The following ADAM10 variants were observed in gnomAD, a reference collection of about 807,000 sequenced individuals.
The protein encoded by ADAM10 is ADAM metallopeptidase domain 10.
Under a neutral mutation model 90.1 loss-of-function variants are expected in ADAM10, and 17 were observed. The observed-to-expected ratio is 0.19, with a 90% CI of 0.13 to 0.28. ADAM10 has a LOEUF of 0.28. ADAM10 is among the 10% of genes least tolerant of loss of function. ADAM10 has a pLI of 1.00. For missense variants in ADAM10, 610 were observed against 914.3 expected, an observed-to-expected ratio of 0.67 and a Z score of 4.29; for synonymous variants, 310 against 298.6, an observed-to-expected ratio of 1.04 and a Z score of -0.40.
In ADAM10 at chr15:58,620,660, A is replaced by ATTTTTTTTTTTTTTTTTTTTTTTT. The variant is rs570842513; in HGVS notation, c.1511+810_1511+811insAAAAAAAAAAAAAAAAAAAAAAAA. Among the ~76,000 whole-genome samples, 21 of 59,414 alleles carry ATTTTTTTTTTTTTTTTTTTTTTTT rather than the reference A, an allele frequency of 3.5e-4. 1 individual carries two copies. Among genetic ancestry groups the ATTTTTTTTTTTTTTTTTTTTTTTT allele is most frequent in the Non-Finnish European group, 4.2e-4 (18 of 42,692 alleles). The allele number at this position is 59,414 out of a possible 152,430, so 39.0% of individuals were successfully genotyped here. A position where few individuals can be genotyped will look rare whatever the true frequency, so the allele number is the denominator to read the frequency against. On this transcript the variant is annotated intron_variant, in intron 11 of 15. Coordinates refer to ENST00000260408, the MANE Select transcript of ADAM10 (RefSeq NM_001110.4). ...CACAATAAGTAACTAAAGAATATGT[A>ATTTTTTTTTTTTTTTTTTTTTTTT]TTTTTTTTTTTTTTTTTTTGAGACG... is the stretch of plus-strand genomic sequence containing the variant.
chr15:58,617,189 A>T (rs1209465737), intron 11 of ADAM10, among the ~76,000 whole-genome samples: 1 of 152,090 alleles, frequency 6.6e-6, no homozygotes, highest in Admixed American at 6.5e-5. Flanking sequence ...TAAAATCATC[A>T]ATCCATTAAC....
chr15:58,611,090 G>T lies in ADAM10; in HGVS notation c.1713C>A (p.Ile571=). ...ACTCCTCTAAGCCATATTTCTCACAGATAGAACCTGCACATTGCTAGAAGA... is the reference window on the plus strand; with the variant it reads ...ACTCCTCTAAGCCATATTTCTCACATATAGAACCTGCACATTGCTAGAAGA... ...VCINGQCAGS[I]CEKYGLEECT... is the part of the protein sequence containing the mutation. Residue 571 remains isoleucine, a synonymous_variant, in exon 13 of 16, where the codon ATC becomes ATA. Coordinates refer to ENST00000260408, the MANE Select transcript of ADAM10 (RefSeq NM_001110.4). 1 of 1,613,218 alleles carries T rather than the reference G, an allele frequency of 6.2e-7. No individual in the cohort carries two copies. The highest frequency in any genetic ancestry group is 8.5e-7 in the Non-Finnish European group (1 of 1,179,234).
rs181380887 is a variant in ADAM10, at chr15:58,717,327, T to C, written c.206+250A>G. Reference sequence around the variant, plus strand: ...ACACAGAATCTTCTTTAAAGACATATCTTTTACTAATGTAAGATCTGATTC... The same window carrying C: ...ACACAGAATCTTCTTTAAAGACATACCTTTTACTAATGTAAGATCTGATTC... On this transcript the variant is annotated intron_variant, in intron 2 of 15. Coordinates refer to ENST00000260408, the MANE Select transcript of ADAM10 (RefSeq NM_001110.4). Among the ~76,000 whole-genome samples the C allele has an allele frequency of 2.0e-5, 3 of 152,330 alleles. No homozygotes were observed. In the East Asian group the frequency reaches 5.8e-4, roughly 29 times the overall value.
At chr15:58,645,160 A>G (rs1347621503) in intron 6 of ADAM10, among the ~76,000 whole-genome samples, 8 of 152,260 alleles carry the variant, frequency 5.3e-5, no homozygotes, top group African/African-American at 1.9e-4. Context: ...CATTAACAAT[A>G]ATCATTTCAA....
At chr15:58,691,701 T>G in intron 2 of ADAM10, 1 of 320,910 alleles carries the variant, frequency 3.1e-6, no homozygotes, top group Non-Finnish European at 5.8e-6. Flanking sequence ...TTTTTTTTTT[T>G]GAGACAGAGC....
chr15:58,704,891 T>C (rs1170796345), intron 2 of ADAM10, among the ~76,000 whole-genome samples: 1 of 152,214 alleles, frequency 6.6e-6, no homozygotes, highest in Non-Finnish European at 1.5e-5. Flanking sequence ...TATTGCTCTT[T>C]CTACTGTATC....
rs889212770 is a variant in ADAM10 at position 58,701,710 on chromosome 15, C to T, written c.206+15867G>A. ...CCCATGTTTAGTGCAGGACTATTTA[C>T]AATAGCCAAGATATGTAATCAACTA... On this transcript the variant is annotated intron_variant, in intron 2 of 15. Transcript: ENST00000260408. 5.9e-5 allele frequency among the ~76,000 whole-genome samples: 9 copies of T among 152,156 alleles called. No individual in the cohort carries two copies. In the East Asian group the frequency reaches 1.7e-3, roughly 29 times the overall value.
chr15:58,725,440 G>A (rs1196184030), intron 1 of ADAM10, among the ~76,000 whole-genome samples: 1 of 151,004 alleles, frequency 6.6e-6, no homozygotes, highest in Non-Finnish European at 1.5e-5. Flanking sequence ...CAGCTATTCA[G>A]GAGGCTGAGG....
intron 2 of ADAM10, among the ~76,000 whole-genome samples, chr15:58,686,220 T>TA (rs1356594283): frequency 6.6e-6 from 1 of 152,162 alleles, no homozygotes; most frequent in African/African-American, 2.4e-5. Context: ...TACTGGATCT[T>TA]ACAAGAGACA....
rs573528009 is a variant in ADAM10 at position 58,591,226 on chromosome 15, G to A, written c.*6321C>T. On this transcript the variant is annotated 3_prime_UTR_variant, in exon 16 of 16. Transcript: ENST00000260408. ...TGCTGGATGACTGATAGCTTCAAGA[G>A]TTCACCCTAGCAGTTGAAATCAATT... 1.1e-4 allele frequency: 16 copies of A among 152,304 alleles called. No individual in the cohort carries two copies. Among genetic ancestry groups the A allele is most frequent in the Non-Finnish European group, 2.4e-4 (16 of 68,024 alleles). 9.4% of individuals were successfully genotyped at this position (152,304 alleles called of 1,614,324 possible).
intron 1 of ADAM10, among the ~76,000 whole-genome samples, chr15:58,727,572 T>C (rs935787431): frequency 6.6e-6 from 1 of 152,152 alleles, no homozygotes; most frequent in African/African-American, 2.4e-5. Context: ...TATTAAGTAA[T>C]CCTACTGGCT....
intron 2 of ADAM10, among the ~76,000 whole-genome samples, chr15:58,686,240 C>T (rs1446894253): frequency 6.6e-6 from 1 of 152,156 alleles, no homozygotes; most frequent in East Asian, 1.9e-4. Flanking sequence ...AGGGATACAT[C>T]GAAGTTGTGA....
intron 5 of ADAM10, among the ~76,000 whole-genome samples, chr15:58,658,782 G>A (rs1452957530): frequency 6.6e-6 from 1 of 151,530 alleles, no homozygotes; most frequent in Non-Finnish European, 1.5e-5. Context: ...AATATTCATT[G>A]CCAGTATATA....
intron 2 of ADAM10, among the ~76,000 whole-genome samples, chr15:58,688,238 C>A (rs1897662511): frequency 6.6e-6 from 1 of 151,972 alleles, no homozygotes; most frequent in Non-Finnish European, 1.5e-5. Context: ...TTTTAAAAAT[C>A]CAGACACAGG....
chr15:58,691,103 C>G (rs1897769720), intron 2 of ADAM10: 2 of 664,462 alleles, frequency 3.0e-6, no homozygotes, highest in Admixed American at 1.8e-5. Flanking sequence ...TATTGGCTAT[C>G]TAGCTGTAGG....
At chr15:58,675,595 G>A (rs1425718211) in intron 4 of ADAM10, among the ~76,000 whole-genome samples, 3 of 152,190 alleles carry the variant, frequency 2.0e-5, no homozygotes, top group East Asian at 1.9e-4. Flanking sequence ...TGTCCTAGGA[G>A]AGAGTGTTTT....
At chr15:58,649,903 A>G (rs552183418) in intron 5 of ADAM10, among the ~76,000 whole-genome samples, 15 of 152,228 alleles carry the variant, frequency 9.9e-5, no homozygotes, top group African/African-American at 3.6e-4. Context: ...GACATCAATT[A>G]CATAATACAT....
intron 14 of ADAM10, chr15:58,610,090 A>G: frequency 1.6e-6 from 1 of 606,170 alleles, no homozygotes; most frequent in Non-Finnish European, 2.9e-6. Context: ...CCCATCACCT[A>G]CTAAGCAATC....
At chr15:58,625,572 T>C (rs1458920293) in intron 10 of ADAM10, among the ~76,000 whole-genome samples, 1 of 152,178 alleles carries the variant, frequency 6.6e-6, no homozygotes, top group African/African-American at 2.4e-5. Context: ...TAAAATAGTA[T>C]GGCCACCCTG....
Sources: allele counts gnomAD v4.1 joint callset (sites outside exome capture counted in the v4.1 genomes callset), GRCh38; gene constraint gnomAD v4.1.1; transcripts MANE v1.5; gene names NCBI Gene and HGNC (gene_info 2026-07-23, HGNC 2026-07-21).